DOCK5: variants seen among roughly 807,000 people sequenced by gnomAD.
DOCK5 encodes the protein dedicator of cytokinesis 5.
DOCK5 carries 142 observed loss-of-function variants against 251.8 expected under a neutral mutation model. That is an observed-to-expected ratio of 0.56 (90% CI 0.49 to 0.65). DOCK5 has a LOEUF of 0.65. DOCK5 is among the 30% of genes least tolerant of loss of function. The pLI, the probability that DOCK5 is intolerant of heterozygous loss-of-function variation, is 0.00. For synonymous variants in DOCK5, 842 were observed against 835.5 expected (o/e 1.01, Z -0.13); for missense variants, 2,111 against 2,312.3 (o/e 0.91, Z 1.79).
In DOCK5 at chr8:25,389,106, T is replaced by C; in HGVS notation, c.4147T>C (p.Tyr1383His). 2 of 1,613,896 alleles carry C rather than the reference T, an allele frequency of 1.2e-6. No individual in the cohort carries two copies. Among genetic ancestry groups the C allele is most frequent in the Non-Finnish European group, 1.7e-6 (2 of 1,179,830 alleles). The part of the protein sequence containing the change: ...PSFLRNKIFI[Y>H]RGKEYERRED... ...TCACCTGCAGAATAAAATCTTCATC[T>C]ATCGGGGAAAGGAGTATGAGAGGCG... is the stretch of plus-strand genomic sequence containing the variant. Residue 1383 changes from tyrosine (Y) to histidine (H), a missense_variant, in exon 41 of 52, where the codon TAT becomes CAT. Physicochemically the swap from Tyr to His is moderately conservative, Grantham distance 83 (BLOSUM62 2). Transcript: ENST00000276440.
rs559252963 is a variant in DOCK5, at chr8:25,403,742, A to C, written c.5093+18A>C. 1.9e-6 allele frequency: 3 copies of C among 1,612,810 alleles called. No homozygotes were observed. Among genetic ancestry groups the C allele is most frequent in the African/African-American group, 2.7e-5 (2 of 74,988 alleles). On this transcript the variant is annotated intron_variant, in intron 48 of 51. Coordinates refer to ENST00000276440, the MANE Select transcript of DOCK5 (RefSeq NM_024940.8). ...TCTGATGGGTAAGGGTTTCATCTTT[A>C]ATCTGCAGGAAGGGTGGGGTAACGC...
chr8:25,326,145 A>G (rs1008915480), intron 18 of DOCK5, among the ~76,000 whole-genome samples: 1 of 152,222 alleles, frequency 6.6e-6, no homozygotes, highest in Non-Finnish European at 1.5e-5. Flanking sequence ...GCCAATATCA[A>G]CTTCTTATTT....
At chr8:25,357,939 C>T (rs527311959) in intron 27 of DOCK5, among the ~76,000 whole-genome samples, 1 of 152,258 alleles carries the variant, frequency 6.6e-6, no homozygotes, top group East Asian at 1.9e-4. Flanking sequence ...TAGGGGATAG[C>T]ACCTTGAATA....
intron 18 of DOCK5, among the ~76,000 whole-genome samples, chr8:25,330,252 C>T (rs923092940): frequency 1.3e-5 from 2 of 152,132 alleles, no homozygotes; most frequent in South Asian, 2.1e-4. Context: ...TTATCAGTTT[C>T]CTTAGGGCTA....
At chr8:25,316,375 G>A (rs1805251604) in intron 13 of DOCK5, among the ~76,000 whole-genome samples, 3 of 152,084 alleles carry the variant, frequency 2.0e-5, no homozygotes, top group Admixed American at 1.3e-4. Flanking sequence ...CAGCTACTTG[G>A]GAGGCTGAGG....
intron 1 of DOCK5, among the ~76,000 whole-genome samples, chr8:25,201,033 A>C (rs9774733): frequency 0.15 from 22,176 of 152,114 alleles, 2,697 homozygotes; most frequent in African/African-American, 0.34. Flanking sequence ...CAGCCTCCTG[A>C]GTAGCTGGGA....
At chr8:25,370,501 T>C (rs1010428939) in intron 34 of DOCK5, among the ~76,000 whole-genome samples, 3 of 116,176 alleles carry the variant, frequency 2.6e-5, no homozygotes, top group Non-Finnish European at 5.9e-5. Flanking sequence ...TATTACAATT[T>C]GTTTTTGGTG....
chr8:25,241,700 C>CATGTATGTT (rs1357838816), intron 1 of DOCK5, among the ~76,000 whole-genome samples: 1 of 152,114 alleles, frequency 6.6e-6, no homozygotes, highest in Non-Finnish European at 1.5e-5. Flanking sequence ...GACACATGCA[C>CATGTATGTT]ATGTATGTTT....
chr8:25,309,845 C>A (rs1805042829), intron 12 of DOCK5, among the ~76,000 whole-genome samples: 1 of 151,848 alleles, frequency 6.6e-6, no homozygotes, highest in African/African-American at 2.4e-5. Context: ...GAAAGAAAGA[C>A]AGAAAAATGG....
At chr8:25,280,340 A>G (rs891019248) in intron 5 of DOCK5, among the ~76,000 whole-genome samples, 3 of 152,220 alleles carry the variant, frequency 2.0e-5, no homozygotes, top group African/African-American at 7.2e-5. Context: ...TGAAAAGCCA[A>G]TCTTAATAAG....
At position 25,195,236 on chromosome 8, in the gene DOCK5, C is replaced by T. The variant is rs554952594; in HGVS notation, c.43+10285C>T. On this transcript the variant is annotated intron_variant, in intron 1 of 51. Transcript: ENST00000276440. ...ACGCCCAGCTGCAATGGTCTTCTAA[C>T]TGGACTCCTTATCACTTTTTTTTTT... Among the ~76,000 whole-genome samples the T allele has an allele frequency of 7.5e-4, 110 of 147,550 alleles. 1 individual carries two copies. The highest frequency in any genetic ancestry group is 1.4e-3 in the Non-Finnish European group (95 of 67,256).
At chr8:25,382,291 A>G (rs1366008165) in intron 39 of DOCK5, among the ~76,000 whole-genome samples, 13 of 152,136 alleles carry the variant, frequency 8.5e-5, no homozygotes, top group Non-Finnish European at 7.4e-5. Context: ...AAGGTTCTTT[A>G]TCTTCTCCCA....
intron 20 of DOCK5, 139 bp from the exon 21 acceptor site, chr8:25,333,957 C>T (rs113986080): frequency 9.2e-6 from 6 of 654,496 alleles, no homozygotes; most frequent in Admixed American, 7.8e-5. Flanking sequence ...GACTTGACAT[C>T]AGCTCTGGAA....
intron 25 of DOCK5, among the ~76,000 whole-genome samples, chr8:25,343,745 T>C (rs1442084195): frequency 2.0e-5 from 3 of 152,174 alleles, no homozygotes; most frequent in Non-Finnish European, 2.9e-5. Context: ...TAGCTGGAAA[T>C]TGACCATGGT....
intron 27 of DOCK5, among the ~76,000 whole-genome samples, chr8:25,355,175 A>G (rs1283263892): frequency 6.6e-6 from 1 of 152,216 alleles, no homozygotes; most frequent in Non-Finnish European, 1.5e-5. Context: ...TTGAGGCTGC[A>G]GTGAGCTGTG....
chr8:25,273,404 C>A (rs1803963544), intron 3 of DOCK5, among the ~76,000 whole-genome samples: 1 of 152,140 alleles, frequency 6.6e-6, no homozygotes, highest in Admixed American at 6.5e-5. Flanking sequence ...TGAAGACCAG[C>A]CTGGCCTGGC....
At chr8:25,337,638 T>G (rs1429619985) in intron 22 of DOCK5, among the ~76,000 whole-genome samples, 2 of 147,312 alleles carry the variant, frequency 1.4e-5, no homozygotes, top group East Asian at 4.0e-4. Context: ...CAGGCTGGAG[T>G]GCAGTGGTGT....
At chr8:25,257,831 T>TA (rs1803457889) in intron 2 of DOCK5, among the ~76,000 whole-genome samples, 1 of 152,164 alleles carries the variant, frequency 6.6e-6, no homozygotes. Context: ...AAAACCAGCA[T>TA]AAGAGTGAGT....
intron 14 of DOCK5, among the ~76,000 whole-genome samples, chr8:25,318,725 A>G (rs1346003195): frequency 6.6e-6 from 1 of 151,036 alleles, no homozygotes; most frequent in Non-Finnish European, 1.5e-5. Flanking sequence ...AGGAGGCTGC[A>G]TGGCCTCTGC....
Sources: gnomAD v4.1 joint callset for allele counts (sites outside exome capture counted in the v4.1 genomes callset) on GRCh38, gnomAD v4.1.1 for gene constraint, MANE v1.5 for transcripts, NCBI Gene and HGNC (gene_info 2026-07-23, HGNC 2026-07-21) for gene names.